The following EPHA5 variants were observed in gnomAD, a reference collection of about 807,000 sequenced individuals.
EPHA5 encodes the protein EPH receptor A5, also known as ephrin type-A receptor 5.
In EPHA5, 60 loss-of-function variants were observed where a neutral mutation model predicts 105.0. The observed-to-expected ratio is 0.57, with a 90% CI of 0.46 to 0.71. The LOEUF is 0.71. Ranked by LOEUF, EPHA5 falls within the 30% of genes least tolerant of loss-of-function variation. EPHA5 has a pLI of 0.00. For synonymous variants in EPHA5, 513 were observed against 449.1 expected (o/e 1.14, Z -1.80); for missense variants, 1,218 against 1,274.7 (o/e 0.96, Z 0.68).
At chr4:65,414,213 G>T in intron 7 of EPHA5, 71 bp downstream of exon 7, 1 of 1,348,954 alleles carries the variant, frequency 7.4e-7, no homozygotes, top group East Asian at 2.3e-5. Context: ...CCCAGGGAGG[G>T]TATTGATCCA....
intron 3 of EPHA5, among the ~76,000 whole-genome samples, chr4:65,521,139 T>A (rs1030163926): frequency 4.6e-5 from 7 of 152,228 alleles, no homozygotes; most frequent in African/African-American, 1.7e-4. Flanking sequence ...TGTCCATCAA[T>A]GATAGGCTGA....
At position 65,574,671 on chromosome 4, in the gene EPHA5, TATATATACATATATATAC is replaced by T. The variant is rs1483521807; in HGVS notation, c.910+26952_910+26969del. Among the ~76,000 whole-genome samples, 83 of 14,976 alleles carry T rather than the reference TATATATACATATATATAC, an allele frequency of 5.5e-3. No homozygotes were observed. The East Asian group carries it at 0.13, about 23-fold the overall frequency. The allele number at this position is 14,976 out of a possible 152,430, so 9.8% of individuals were successfully genotyped here. On this transcript the variant is annotated intron_variant, in intron 3 of 16. Coordinates refer to ENST00000613740, the MANE Select transcript of EPHA5 (RefSeq NM_001281766.3). Reference sequence around the variant, plus strand: ...ATATATACACATATATATATACACATATATATACATATATATACATATATATACATATATATACATATA... The same window carrying T: ...ATATATACACATATATATATACACATATATATATACATATATATACATATA...
At chr4:65,609,718 C>A (rs1417724825) in intron 2 of EPHA5, among the ~76,000 whole-genome samples, 1 of 148,486 alleles carries the variant, frequency 6.7e-6, no homozygotes, top group African/African-American at 2.5e-5. Flanking sequence ...ATTCCTTTAA[C>A]AATTATCCAA....
intron 11 of EPHA5, among the ~76,000 whole-genome samples, chr4:65,364,554 C>A (rs113340318): frequency 5.0e-4 from 76 of 151,540 alleles, no homozygotes; most frequent in Admixed American, 1.3e-3. Context: ...GTTGCTTTCC[C>A]TTGAACTATT....
Position 65,323,591 on chromosome 4 carries a change from G to A in EPHA5, c.*523C>T. 4.3e-6 allele frequency: 1 copy of A among 230,182 alleles called. No individual in the cohort carries two copies. Among genetic ancestry groups the A allele is most frequent in the Non-Finnish European group, 8.6e-6 (1 of 116,122 alleles). 14.3% of individuals were successfully genotyped at this position (230,182 alleles called of 1,614,324 possible). A position where few individuals can be genotyped will look rare whatever the true frequency, so the allele number is the denominator to read the frequency against. On this transcript the variant is annotated 3_prime_UTR_variant, in exon 17 of 17. Coordinates refer to ENST00000613740, the MANE Select transcript of EPHA5 (RefSeq NM_001281766.3). ...TTCTATAACTTAACGCTGTGTAACA[G>A]CATTTTAAAATTACAAAAGAAGATA...
intron 3 of EPHA5, among the ~76,000 whole-genome samples, chr4:65,537,700 A>G (rs911816952): frequency 6.6e-6 from 1 of 151,722 alleles, no homozygotes; most frequent in South Asian, 2.1e-4. Context: ...GAGAAATTAT[A>G]TAGTGGGAGT....
At chr4:65,436,096 A>T (rs1016205456) in intron 5 of EPHA5, among the ~76,000 whole-genome samples, 2 of 152,016 alleles carry the variant, frequency 1.3e-5, no homozygotes, top group Non-Finnish European at 2.9e-5. Context: ...CTTTTCTGTG[A>T]GGTAGATTAA....
At chr4:65,497,947 A>G (rs1445150349) in intron 3 of EPHA5, among the ~76,000 whole-genome samples, 1 of 152,002 alleles carries the variant, frequency 6.6e-6, no homozygotes, top group African/African-American at 2.4e-5. Flanking sequence ...AAGGTAGTCC[A>G]TAAATATTAT....
intron 7 of EPHA5, among the ~76,000 whole-genome samples, chr4:65,412,641 AC>A (rs1723020737): frequency 1.3e-5 from 2 of 152,172 alleles, no homozygotes; most frequent in African/African-American, 4.8e-5. Flanking sequence ...TAATAAAAAA[AC>A]AGTGGGAGAT....
At chr4:65,389,233 C>T (rs1015433812) in intron 8 of EPHA5, among the ~76,000 whole-genome samples, 20 of 151,988 alleles carry the variant, frequency 1.3e-4, no homozygotes, top group Non-Finnish European at 1.9e-4. Flanking sequence ...AACTTTGCAT[C>T]CTTAAAAATA....
intron 3 of EPHA5, among the ~76,000 whole-genome samples, chr4:65,575,527 A>G (rs920775267): frequency 2.0e-5 from 3 of 152,212 alleles, no homozygotes; most frequent in African/African-American, 4.8e-5. Context: ...ATTTACTCAC[A>G]TAAATGTTGC....
chr4:65,468,458 G>A (rs1236489350), intron 5 of EPHA5, among the ~76,000 whole-genome samples: 7 of 145,162 alleles, frequency 4.8e-5, no homozygotes, highest in African/African-American at 1.8e-4. Context: ...AAATAGCCAG[G>A]GGGGAGATAT....
intron 11 of EPHA5, among the ~76,000 whole-genome samples, chr4:65,362,933 A>T (rs1214159866): frequency 6.6e-6 from 1 of 151,714 alleles, no homozygotes; most frequent in Non-Finnish European, 1.5e-5. Flanking sequence ...AAGACTTTTG[A>T]ACCAAATGAA....
intron 11 of EPHA5, among the ~76,000 whole-genome samples, chr4:65,363,383 T>C (rs1717527609): frequency 6.6e-6 from 1 of 151,606 alleles, no homozygotes; most frequent in Non-Finnish European, 1.5e-5. Flanking sequence ...CATAATTGTT[T>C]ATATTCAAAT....
intron 3 of EPHA5, among the ~76,000 whole-genome samples, chr4:65,505,250 T>G (rs917446979): frequency 2.6e-5 from 4 of 152,064 alleles, no homozygotes; most frequent in Non-Finnish European, 5.9e-5. Flanking sequence ...CTCTTAAACT[T>G]TTATTTCTTC....
chr4:65,343,028 G>A (rs1013295385), intron 14 of EPHA5, among the ~76,000 whole-genome samples: 1 of 151,966 alleles, frequency 6.6e-6, no homozygotes, highest in South Asian at 2.1e-4. Context: ...TAAAAAACAG[G>A]CTACTTAAAT....
At chr4:65,496,356 T>A (rs1731935240) in intron 3 of EPHA5, among the ~76,000 whole-genome samples, 1 of 148,030 alleles carries the variant, frequency 6.8e-6, no homozygotes, top group South Asian at 2.2e-4. Flanking sequence ...ATTAGGTATA[T>A]CTCCCAATGC....
At chr4:65,354,633 C>T (rs1723128135) in intron 11 of EPHA5, among the ~76,000 whole-genome samples, 2 of 151,622 alleles carry the variant, frequency 1.3e-5, no homozygotes, top group South Asian at 4.1e-4. Context: ...TGGCATTCTT[C>T]AGAAGAGTGT....
rs371811452 is a variant in EPHA5 at position 65,461,710 on chromosome 4, T to C, written c.1402+28667A>G. Among the ~76,000 whole-genome samples, 124 of 152,016 alleles carry C rather than the reference T, an allele frequency of 8.2e-4. No individual in the cohort carries two copies. The Middle Eastern group carries it at 0.01, about 13-fold the overall frequency. ...AAACCTTGCAACCTCAGAAGTAAAA[T>C]GACACATTTAATGGGTACAGCAAAA... On this transcript the variant is annotated intron_variant, in intron 5 of 16. Coordinates refer to ENST00000613740, the MANE Select transcript of EPHA5 (RefSeq NM_001281766.3).
Sources: allele counts gnomAD v4.1 joint callset (sites outside exome capture counted in the v4.1 genomes callset), GRCh38; gene constraint gnomAD v4.1.1; transcripts MANE v1.5; gene names NCBI Gene and HGNC (gene_info 2026-07-23, HGNC 2026-07-21).